SKIL: variants seen among roughly 807,000 people sequenced by gnomAD.
The protein encoded by SKIL is SKI like proto-oncogene.
A neutral mutation model predicts 69.6 loss-of-function variants in SKIL; 20 were observed. That is an observed-to-expected ratio of 0.29 (90% CI 0.20 to 0.42). SKIL has a LOEUF of 0.42. Among genes scored for constraint, SKIL ranks in the 10% least tolerant of loss-of-function variants. The pLI, the probability that SKIL is intolerant of heterozygous loss-of-function variation, is 1.00. For missense variants in SKIL, 745 were observed against 783.1 expected (o/e 0.95, Z 0.58); for synonymous variants, 310 against 279.9 (o/e 1.11, Z -1.08).
chr3:170,381,305 A>T lies in SKIL; in HGVS notation c.1160A>T (p.Asp387Val), dbSNP rs1247430791. Residue 387 changes from aspartate to valine, a missense_variant, in exon 3 of 7, where the codon GAC becomes GTC. Coordinates refer to ENST00000259119, the MANE Select transcript of SKIL (RefSeq NM_005414.5). The stretch of plus-strand genomic sequence containing the variant: ...TATCCTGTTATAAAGCAGGAAGGTG[A>T]CCATGTTTCTCAGACACATTCATTT... ...SWYPVIKQEG[D>V]HVSQTHSFLH... 1.9e-6 allele frequency: 3 copies of T among 1,596,854 alleles called. No individual in the cohort carries two copies. The highest frequency in any genetic ancestry group is 2.7e-5 in the African/African-American group (2 of 74,564).
rs917520984 is a variant in SKIL, at chr3:170,384,599, G to C, written c.1263G>C (p.Gln421His). The change falls in exon 4 of 7, where the codon CAG becomes CAC. Residue 421 changes from glutamine (Q) to histidine (H), a missense_variant. Physicochemically the swap from Gln to His is conservative, Grantham distance 24 (BLOSUM62 0). Transcript: ENST00000259119. ...TGTCACTTACTTCTGCTGTATCCCA[G>C]TCTAAAGAGCTCACAAAGACAGAGG... ...PNVSLTSAVS[Q>H]SKELTKTEAS... 1 of 1,613,346 alleles carries C rather than the reference G, an allele frequency of 6.2e-7. No individual in the cohort carries two copies. The highest frequency in any genetic ancestry group is 1.7e-4 in the Middle Eastern group (1 of 6,060).
At chr3:170,362,878 A>G (rs547566290) in intron 2 of SKIL, among the ~76,000 whole-genome samples, 2 of 148,988 alleles carry the variant, frequency 1.3e-5, no homozygotes, top group Non-Finnish European at 3.0e-5. Context: ...CTGCTGCATT[A>G]TCTAGTAGGC....
At chr3:170,380,918 TC>T in intron 2 of SKIL, among the ~76,000 whole-genome samples, 1 of 152,016 alleles carries the variant, frequency 6.6e-6, no homozygotes, top group Non-Finnish European at 1.5e-5. Flanking sequence ...AGCCTCAACT[TC>T]CTGGGCTCAA....
intron 5 of SKIL, 142 bp from the exon 6 acceptor site, chr3:170,390,894 G>GT: frequency 3.9e-6 from 2 of 514,766 alleles, no homozygotes; most frequent in Non-Finnish European, 6.9e-6. Flanking sequence ...TGAGAAAATA[G>GT]TTTTTTAAAA....
In SKIL at chr3:170,361,017, T is replaced by C; in HGVS notation, c.686T>C (p.Leu229Ser). 1 of 1,614,216 alleles carries C rather than the reference T, an allele frequency of 6.2e-7. No homozygotes were observed. Among genetic ancestry groups the C allele is most frequent in the Non-Finnish European group, 8.5e-7 (1 of 1,180,026 alleles). Reference sequence around the variant, plus strand: ...ATTACATTAACTGATGCACAAAGATTATGTAATGCTTTATTGCGGCCACGA... The same window carrying C: ...ATTACATTAACTGATGCACAAAGATCATGTAATGCTTTATTGCGGCCACGA... ...GLITLTDAQRLCNALLRPRTF... is the reference protein window; with the variant it reads ...GLITLTDAQRSCNALLRPRTF... Residue 229 changes from leucine (L) to serine (S), a missense_variant, in exon 2 of 7, where the codon TTA becomes TCA. Leu to Ser is a moderately radical substitution (Grantham distance 145). Coordinates refer to ENST00000259119, the MANE Select transcript of SKIL (RefSeq NM_005414.5).
intron 2 of SKIL, among the ~76,000 whole-genome samples, chr3:170,372,352 C>A (rs1017324138): frequency 2.6e-5 from 4 of 152,178 alleles, no homozygotes; most frequent in African/African-American, 7.2e-5. Flanking sequence ...GTGGTATGAT[C>A]TTTCAGCCTG....
In SKIL at chr3:170,396,570, C is replaced by A. The variant is rs1025031621; in HGVS notation, c.*4153C>A. The A allele has an allele frequency of 6.6e-6, 1 of 152,138 alleles. No homozygotes were observed. The highest frequency in any genetic ancestry group is 2.4e-5 in the African/African-American group (1 of 41,446). 9.4% of individuals were successfully genotyped at this position (152,138 alleles called of 1,614,324 possible). On this transcript the variant is annotated 3_prime_UTR_variant, in exon 7 of 7. Transcript: ENST00000259119. ...ATGTACAGTTTTATGGTTAAAGTTG[C>A]TGTGGTTGGTTGCATTACATGACAC...
intron 2 of SKIL, among the ~76,000 whole-genome samples, chr3:170,380,053 C>T (rs887607448): frequency 6.6e-5 from 10 of 152,044 alleles, no homozygotes; most frequent in South Asian, 2.1e-4. Context: ...AGTTCTCAGC[C>T]CGTAGATGTT....
intron 2 of SKIL, among the ~76,000 whole-genome samples, chr3:170,366,692 C>G (rs201995971): frequency 0.026 from 1,702 of 64,526 alleles, 16 homozygotes; most frequent in Non-Finnish European, 0.047. Flanking sequence ...CACACACACA[C>G]ACAGACACAC....
rs1206663971 is a variant in SKIL at position 170,360,213 on chromosome 3, A to G, written c.-119A>G. On this transcript the variant is annotated 5_prime_UTR_variant, in exon 2 of 7. Transcript: ENST00000259119. ...ATTAATTTAAGGGGCTCTCGCTTTGAAAGTTTGAGAGTAAGTTACGATAGG... is the reference window on the plus strand; with the variant it reads ...ATTAATTTAAGGGGCTCTCGCTTTGGAAGTTTGAGAGTAAGTTACGATAGG... 13 of 1,024,200 alleles carry G rather than the reference A, an allele frequency of 1.3e-5. No homozygotes were observed. In the East Asian group the frequency reaches 1.5e-4, roughly 12 times the overall value. The allele number at this position is 1,024,200 out of a possible 1,614,324, so 63.4% of individuals were successfully genotyped here.
chr3:170,366,073 T>A (rs943774121), intron 2 of SKIL, among the ~76,000 whole-genome samples: 3 of 150,118 alleles, frequency 2.0e-5, no homozygotes, highest in Admixed American at 1.3e-4. Flanking sequence ...TTTTTTTTTT[T>A]AAGACTGTAC....
chr3:170,386,363 CAG>C, intron 4 of SKIL, among the ~76,000 whole-genome samples: 1 of 152,128 alleles, frequency 6.6e-6, no homozygotes, highest in East Asian at 1.9e-4. Context: ...CTCCTGACCT[CAG>C]GTGATCCGCC....
chr3:170,385,204 A>G (rs1299311737), intron 4 of SKIL, among the ~76,000 whole-genome samples: 1 of 151,020 alleles, frequency 6.6e-6, no homozygotes, highest in Non-Finnish European at 1.5e-5. Flanking sequence ...CACCCTCCCT[A>G]GTAGCTGGGA....
At chr3:170,358,873 C>T (rs1305367354) in intron 1 of SKIL, among the ~76,000 whole-genome samples, 1 of 152,156 alleles carries the variant, frequency 6.6e-6, no homozygotes, top group Admixed American at 6.5e-5. Flanking sequence ...TAAGTAAAAT[C>T]GCTAACCTTT....
chr3:170,391,565 C>T (rs1737925429), intron 6 of SKIL, among the ~76,000 whole-genome samples: 1 of 151,986 alleles, frequency 6.6e-6, no homozygotes, highest in Non-Finnish European at 1.5e-5. Context: ...ATGATCTGCC[C>T]ACCTCAGCCT....
At chr3:170,379,260 G>A (rs1468143036) in intron 2 of SKIL, among the ~76,000 whole-genome samples, 1 of 152,160 alleles carries the variant, frequency 6.6e-6, no homozygotes, top group African/African-American at 2.4e-5. Flanking sequence ...TTACAGGCAT[G>A]AGCCACTGCG....
chr3:170,391,741 T>A (rs1188770766), intron 6 of SKIL, among the ~76,000 whole-genome samples: 1 of 152,228 alleles, frequency 6.6e-6, no homozygotes, highest in Admixed American at 6.5e-5. Context: ...ATTATTTTGA[T>A]GTTTGTTGCT....
rs1738002998 is a variant in SKIL at position 170,393,014 on chromosome 3, T to C, written c.*597T>C. The C allele has an allele frequency of 6.6e-6, 1 of 152,190 alleles. No homozygotes were observed. The highest frequency in any genetic ancestry group is 6.5e-5 in the Admixed American group (1 of 15,276). 9.4% of individuals were successfully genotyped at this position (152,190 alleles called of 1,614,324 possible). A position where few individuals can be genotyped will look rare whatever the true frequency, so the allele number is the denominator to read the frequency against. On this transcript the variant is annotated 3_prime_UTR_variant, in exon 7 of 7. Coordinates refer to ENST00000259119, the MANE Select transcript of SKIL (RefSeq NM_005414.5). ...TTTACTGAGGTTATAGCATACCCCATGAGCACAGTGGGGAAGAAGAATGTG... is the reference window on the plus strand; with the variant it reads ...TTTACTGAGGTTATAGCATACCCCACGAGCACAGTGGGGAAGAAGAATGTG...
chr3:170,390,327 G>T lies in SKIL; in HGVS notation c.1534G>T (p.Ala512Ser). 2 of 1,614,018 alleles carry T rather than the reference G, an allele frequency of 1.2e-6. No individual in the cohort carries two copies. Among genetic ancestry groups the T allele is most frequent in the Non-Finnish European group, 1.7e-6 (2 of 1,179,962 alleles). Reference sequence around the variant, plus strand: ...AGTGGGAATTGGCCTTGTTGCTGCCGCTTCATCTCCGCTTCTTGTGAAAGA... The same window carrying T: ...AGTGGGAATTGGCCTTGTTGCTGCCTCTTCATCTCCGCTTCTTGTGAAAGA... ...NKVGIGLVAA[A>S]SSPLLVKDVI... The change falls in exon 5 of 7, where the codon GCT becomes TCT. Residue 512 changes from alanine (A) to serine (S), a missense_variant. By Grantham distance (99) the Ala-to-Ser change is moderately conservative. Coordinates refer to ENST00000259119, the MANE Select transcript of SKIL (RefSeq NM_005414.5).
Sources: gnomAD v4.1 joint callset for allele counts (sites outside exome capture counted in the v4.1 genomes callset) on GRCh38, gnomAD v4.1.1 for gene constraint, MANE v1.5 for transcripts, NCBI Gene and HGNC (gene_info 2026-07-23, HGNC 2026-07-21) for gene names.